Variants in PRODH2 observed in about 807,000 individuals in gnomAD.
PRODH2 encodes the protein hydroxyproline dehydrogenase.
PRODH2 carries 49 observed loss-of-function variants against 51.9 expected under a neutral mutation model. That is an observed-to-expected ratio of 0.94 (90% confidence interval 0.75 to 1.20). The LOEUF is 1.20. Among genes scored for constraint, PRODH2 ranks in the 50% most tolerant of loss-of-function variants. The probability of loss-of-function intolerance (pLI) is 0.00; values close to 1 mark genes in which losing one functional copy is unlikely to be tolerated. For missense variants in PRODH2, 597 were observed against 610.9 expected (o/e 0.98, Z 0.24); for synonymous variants, 249 against 260.7 (o/e 0.96, Z 0.43).
chr19:35,805,468 T>C (rs1157039630), intron 7 of PRODH2, among the ~76,000 whole-genome samples: 1 of 152,122 alleles, frequency 6.6e-6, no homozygotes. Context: ...GGTTTCACCA[T>C]GTTTGTCAGG....
chr19:35,809,801 A>T (rs1972572111), intron 4 of PRODH2, among the ~76,000 whole-genome samples: 1 of 151,052 alleles, frequency 6.6e-6, no homozygotes, highest in Admixed American at 6.6e-5. Context: ...TCTACTAAAA[A>T]TACAAAACTT....
intron 8 of PRODH2, chr19:35,802,569 G>GTTTT (rs1972450003): frequency 2.0e-6 from 1 of 494,020 alleles, no homozygotes; most frequent in African/African-American, 1.9e-5. Context: ...TTGTTTGTTT[G>GTTTT]TTTGTTTTAA....
At chr19:35,805,815 G>T (rs1370395447) in intron 7 of PRODH2, among the ~76,000 whole-genome samples, 2 of 152,188 alleles carry the variant, frequency 1.3e-5, no homozygotes, top group Non-Finnish European at 2.9e-5. Context: ...TCTGTAGCCT[G>T]GCTGAGTCCC....
rs773969734 is a variant in PRODH2 at position 35,812,672 on chromosome 19, C to T, written c.134G>A (p.Arg45Gln). The T allele has an allele frequency of 2.2e-5, 35 of 1,601,308 alleles. No individual in the cohort carries two copies. Among genetic ancestry groups the T allele is most frequent in the Non-Finnish European group, 2.8e-5 (33 of 1,171,796 alleles). Residue 45 changes from arginine to glutamine, a missense_variant, in exon 1 of 10, where the codon CGG becomes CAG. By Grantham distance (43) the Arg-to-Gln change is conservative (BLOSUM62 1). Transcript: ENST00000653904. ...GACGAGTGGGGGCCAGGCACACAGCCGGAGAACCAGCAAGGCCCGTGTCAG... is the reference window on the plus strand; with the variant it reads ...GACGAGTGGGGGCCAGGCACACAGCTGGAGAACCAGCAAGGCCCGTGTCAG... Reference protein sequence around the residue: ...GELTRALLVLRLCAWPPLVTH... With the variant: ...GELTRALLVLQLCAWPPLVTH...
intron 9 of PRODH2, chr19:35,801,727 C>G (rs979479427): frequency 6.2e-6 from 1 of 160,998 alleles, no homozygotes; most frequent in South Asian, 1.7e-4. Flanking sequence ...AACCTTCCCC[C>G]AGTCCCAGGA....
rs1972456434 is a variant in PRODH2 at position 35,802,985 on chromosome 19, AAC to A, written c.1093_1094del (p.Val365SerfsTer28). On this transcript the variant is annotated frameshift_variant, in exon 8 of 10. Coordinates refer to ENST00000653904, the MANE Select transcript of PRODH2 (RefSeq NM_021232.2). LOFTEE classifies it high-confidence loss of function. ...LMVASHNEES[V>X]RQATKRMWEL... is the part of the protein sequence containing the mutation. ...CCTCATACCGCTTGGTTGCCTGGCG[AAC>A]AGATTCCTCATTGTGGGAAGCCACC... 1 of 1,564,278 alleles carries A rather than the reference AAC, an allele frequency of 6.4e-7. No individual in the cohort carries two copies. Among genetic ancestry groups the A allele is most frequent in the Non-Finnish European group, 8.7e-7 (1 of 1,149,234 alleles).
At chr19:35,805,426 C>T (rs1448432493) in intron 7 of PRODH2, among the ~76,000 whole-genome samples, 1 of 152,018 alleles carries the variant, frequency 6.6e-6, no homozygotes, top group African/African-American at 2.4e-5. Flanking sequence ...GCCACCACAC[C>T]CGGCTAATTT....
chr19:35,812,126 C>T lies in PRODH2; in HGVS notation c.510+8G>A, dbSNP rs772626414. On this transcript the variant is annotated splice_region_variant and intron_variant, in intron 3 of 9. Transcript: ENST00000653904. Reference sequence around the variant, plus strand: ...CCCTCCCCGCACCCCCGTCTTTGCACTCCTTACACAGAGCCGAGTACTGGT... The same window carrying T: ...CCCTCCCCGCACCCCCGTCTTTGCATTCCTTACACAGAGCCGAGTACTGGT... 70 of 1,613,484 alleles carry T rather than the reference C, an allele frequency of 4.3e-5. 1 individual carries two copies. Among genetic ancestry groups the T allele is most frequent in the Non-Finnish European group, 9.3e-6 (11 of 1,179,646 alleles).
intron 4 of PRODH2, among the ~76,000 whole-genome samples, chr19:35,809,702 T>C (rs1281848878): frequency 6.6e-6 from 1 of 152,102 alleles, no homozygotes; most frequent in East Asian, 1.9e-4. Context: ...GGCTCATGCC[T>C]GTAATCCCAG....
At chr19:35,802,365 A>T in intron 8 of PRODH2, 89 bp from the exon 9 acceptor site, 2 of 1,095,926 alleles carry the variant, frequency 1.8e-6, no homozygotes, top group Non-Finnish European at 2.8e-6. Flanking sequence ...CGGCTCCAGT[A>T]ATTCAAACAT....
At chr19:35,802,103 T>A in intron 9 of PRODH2, 88 bp downstream of exon 9, 1 of 1,226,296 alleles carries the variant, frequency 8.2e-7, no homozygotes, top group South Asian at 1.2e-5. Flanking sequence ...ATCTGGAGGC[T>A]GGGCCTTGGT....
chr19:35,806,583 C>A lies in PRODH2; in HGVS notation c.848G>T (p.Arg283Leu). Residue 283 changes from arginine to leucine, a missense_variant, in exon 7 of 10, where the codon CGG becomes CTG. Coordinates refer to ENST00000653904, the MANE Select transcript of PRODH2 (RefSeq NM_021232.2). ...CGCAGCCTCTGCATCCCTCCCCAGC[C>A]GCTCGAATGTGTCCTATAGGGCACG... is the stretch of plus-strand genomic sequence containing the variant. ...YQACLKDTFE[R>L]LGRDAEAAHR... 1.2e-6 allele frequency: 2 copies of A among 1,614,146 alleles called. No individual in the cohort carries two copies. Among genetic ancestry groups the A allele is most frequent in the Non-Finnish European group, 1.7e-6 (2 of 1,180,028 alleles).
rs778022451 is a variant in PRODH2 at position 35,807,087 on chromosome 19, T to C, written c.632A>G (p.Asn211Ser). The C allele has an allele frequency of 5.8e-6, 9 of 1,552,706 alleles. No homozygotes were observed. The highest frequency in any genetic ancestry group is 1.4e-5 in the African/African-American group (1 of 73,266). ...LQVSCLNAEQ[N>S]QHLRASLSRL... The stretch of plus-strand genomic sequence containing the variant: ...GCTGAGGGAGGCCCGGAGGTGCTGG[T>C]TCTGCTCAGCATTGAGGCAGGAGAC... The change falls in exon 5 of 10, where the codon AAC (asparagine) becomes AGC (serine). Residue 211 changes from asparagine (N) to serine (S), a missense_variant. Asn to Ser is a conservative substitution (Grantham distance 46). Coordinates refer to ENST00000653904, the MANE Select transcript of PRODH2 (RefSeq NM_021232.2).
intron 4 of PRODH2, among the ~76,000 whole-genome samples, chr19:35,810,609 C>T (rs984680721): frequency 6.6e-6 from 1 of 151,862 alleles, no homozygotes; most frequent in African/African-American, 2.4e-5. Context: ...GCAACCTCCG[C>T]CTCCCGGTTC....
chr19:35,806,347 G>A, intron 7 of PRODH2, 83 bp downstream of exon 7: 1 of 1,531,820 alleles, frequency 6.5e-7, no homozygotes, highest in Non-Finnish European at 8.9e-7. Flanking sequence ...GCCTCCCAAA[G>A]CACTGGGATT....
In PRODH2 at chr19:35,800,126, A is replaced by G; in HGVS notation, c.1295T>C (p.Val432Ala). 2.5e-6 allele frequency: 4 copies of G among 1,609,250 alleles called. No individual in the cohort carries two copies. The highest frequency in any genetic ancestry group is 3.4e-6 in the Non-Finnish European group (4 of 1,177,658). The change falls in exon 10 of 10, where the codon GTG becomes GCG. Residue 432 changes from valine to alanine, a missense_variant. Val to Ala is a moderately conservative substitution (Grantham distance 64). Transcript: ENST00000653904. ...LIRRAQENRSVLQGARREQEL... is the reference protein window; with the variant it reads ...LIRRAQENRSALQGARREQEL... ...CTGTTCCCTGCGGGCACCCTGAAGCACGCTCCGGTTCTCCTGGGCCCTCCG... is the reference window on the plus strand; with the variant it reads ...CTGTTCCCTGCGGGCACCCTGAAGCGCGCTCCGGTTCTCCTGGGCCCTCCG...
intron 5 of PRODH2, 27 bp from the exon 6 acceptor site, chr19:35,806,857 G>A: frequency 6.4e-7 from 1 of 1,569,276 alleles, no homozygotes; most frequent in South Asian, 1.2e-5. Flanking sequence ...CGACGGTCAG[G>A]GCCCCGGGTG....
rs141807024 is a variant in PRODH2, at chr19:35,812,834, G to A, written c.-29C>T. On this transcript the variant is annotated 5_prime_UTR_variant, in exon 1 of 10. Transcript: ENST00000653904. ...GGGTCCCTGGCTGCCTCCACACCAG[G>A]GAAGGTTCTCTGGAGGCAGCAAGTT... 9.8e-5 allele frequency: 152 copies of A among 1,556,562 alleles called. 1 individual carries two copies. The African/African-American group carries it at 1.8e-3, about 19-fold the overall frequency.
In PRODH2 at chr19:35,806,996, G is replaced by A. The variant is rs192147383; in HGVS notation, c.678+45C>T. On this transcript the variant is annotated intron_variant, in intron 5 of 9. Coordinates refer to ENST00000653904, the MANE Select transcript of PRODH2 (RefSeq NM_021232.2). ...GTTACCTGTGCCACCCAATGCAGGC[G>A]GCAGAGGGAGGCCCGGAGGTGCTGG... 1.0e-4 allele frequency: 156 copies of A among 1,546,850 alleles called. No individual in the cohort carries two copies. The East Asian group carries it at 3.7e-3, about 37-fold the overall frequency.
Sources: gnomAD v4.1 joint callset for allele counts (sites outside exome capture counted in the v4.1 genomes callset) on GRCh38, gnomAD v4.1.1 for gene constraint, MANE v1.5 for transcripts, NCBI Gene and HGNC (gene_info 2026-07-23, HGNC 2026-07-21) for gene names.